Variants in ATAD2B observed in about 807,000 individuals in gnomAD.
The protein encoded by ATAD2B is ATPase family AAA domain containing 2B.
Under a neutral mutation model 167.6 loss-of-function variants are expected in ATAD2B, and 40 were observed. That is an observed-to-expected ratio of 0.24 (90% CI 0.19 to 0.31). The LOEUF is 0.31. ATAD2B is among the 10% of genes least tolerant of loss of function. The pLI is 1.00. For synonymous variants in ATAD2B, 579 were observed against 596.5 expected (o/e 0.97, Z 0.43); for missense variants, 1,242 against 1,757.2 (o/e 0.71, Z 5.24).
intron 18 of ATAD2B, among the ~76,000 whole-genome samples, chr2:23,806,606 TGAG>T (rs1558565294): frequency 6.6e-6 from 1 of 152,220 alleles, no homozygotes; most frequent in Admixed American, 6.5e-5. Context: ...CCCTAAGTTT[TGAG>T]GAGATTATAA....
intron 10 of ATAD2B, among the ~76,000 whole-genome samples, chr2:23,866,827 G>C (rs1195435119): frequency 6.6e-6 from 1 of 152,090 alleles, no homozygotes; most frequent in African/African-American, 2.4e-5. Context: ...GTTGTATAGA[G>C]AGATTTTTGG....
intron 19 of ATAD2B, among the ~76,000 whole-genome samples, chr2:23,794,289 C>T (rs1020570549): frequency 8.5e-5 from 13 of 152,240 alleles, no homozygotes; most frequent in African/African-American, 2.9e-4. Context: ...GGATTACAGG[C>T]ATGGGCCACC....
At chr2:23,819,932 T>G in intron 16 of ATAD2B, 50 bp from the exon 17 acceptor site, 1 of 1,360,222 alleles carries the variant, frequency 7.4e-7, no homozygotes, top group Non-Finnish European at 1.0e-6. Flanking sequence ...TCATTTAATA[T>G]TCGTGCCCTA....
chr2:23,754,577 C>T, intron 26 of ATAD2B, 70 bp downstream of exon 26: 1 of 1,545,740 alleles, frequency 6.5e-7, no homozygotes, highest in Non-Finnish European at 8.8e-7. Flanking sequence ...TACTTTTACT[C>T]AACTGCCTAC....
At chr2:23,784,942 T>C (rs971425965) in intron 21 of ATAD2B, among the ~76,000 whole-genome samples, 4 of 152,232 alleles carry the variant, frequency 2.6e-5, no homozygotes, top group Middle Eastern at 6.8e-3. Context: ...CCAACAAGTC[T>C]GTTTCCTCAA....
At chr2:23,902,980 T>C (rs1022638896) in intron 1 of ATAD2B, among the ~76,000 whole-genome samples, 34 of 152,164 alleles carry the variant, frequency 2.2e-4, no homozygotes, top group Admixed American at 5.9e-4. Flanking sequence ...CTCATGCCTG[T>C]AATCTCAACA....
chr2:23,903,951 G>A (rs1573364339), intron 1 of ATAD2B, among the ~76,000 whole-genome samples: 1 of 152,178 alleles, frequency 6.6e-6, no homozygotes, highest in Admixed American at 6.6e-5. Flanking sequence ...GGTGGTGGTG[G>A]TGGTGGTGGT....
At chr2:23,740,216 C>T in the ATAD2B span, among the ~76,000 whole-genome samples, 1 of 152,206 alleles carries the variant, frequency 6.6e-6, no homozygotes, top group Middle Eastern at 3.2e-3. Flanking sequence ...CCAGCATCAT[C>T]CTGATACCAA....
At chr2:23,708,287 C>T in the ATAD2B span, 8 of 152,304 alleles carry the variant, frequency 5.3e-5, no homozygotes, top group Admixed American at 3.9e-4. Context: ...AAACTACATA[C>T]ATTGTATGTC....
chr2:23,809,499 G>A (rs1368552885), intron 18 of ATAD2B, among the ~76,000 whole-genome samples: 2 of 152,042 alleles, frequency 1.3e-5, no homozygotes, highest in East Asian at 3.8e-4. Flanking sequence ...AAATGTAACT[G>A]GGAAAAAAAC....
rs1676123369 is a variant in ATAD2B, at chr2:23,757,776, A to G, written c.3720T>C (p.Asn1240=). The change falls in exon 25 of 28, where the codon AAT becomes AAC. Residue 1240 remains asparagine, a synonymous_variant. Transcript: ENST00000238789. ...TGCTGCTGTTGACCAGTAGAGATTC[A>G]TTTGAACTTTCCTCCTCAGTAGATG... ...NFASTEEESS[N]ESLLVNSSSS... The G allele has an allele frequency of 1.3e-6, 2 of 1,583,498 alleles. No individual in the cohort carries two copies. The highest frequency in any genetic ancestry group is 1.4e-5 in the African/African-American group (1 of 73,236).
downstream of ATAD2B, among the ~76,000 whole-genome samples, chr2:23,743,808 G>A (rs1291995827): frequency 6.6e-6 from 1 of 151,856 alleles, no homozygotes; most frequent in Non-Finnish European, 1.5e-5. Flanking sequence ...TAATTTTTCT[G>A]TAGAGACAGG....
intron 17 of ATAD2B, among the ~76,000 whole-genome samples, chr2:23,816,105 T>C (rs2149584830): frequency 6.6e-6 from 1 of 152,314 alleles, no homozygotes; most frequent in African/African-American, 2.4e-5. Flanking sequence ...CAAAAAGATA[T>C]TATATTCATC....
At chr2:23,683,537 T>C in the ATAD2B span, among the ~76,000 whole-genome samples, 1 of 152,228 alleles carries the variant, frequency 6.6e-6, no homozygotes, top group African/African-American at 2.4e-5. Context: ...GGGGTGGGTC[T>C]GGGAGAAGCT....
At chr2:23,830,829 T>G (rs1417209913) in intron 14 of ATAD2B, among the ~76,000 whole-genome samples, 2 of 151,910 alleles carry the variant, frequency 1.3e-5, no homozygotes, top group African/African-American at 2.4e-5. Flanking sequence ...CTAAGGGTGA[T>G]TACAAGACCC....
At chr2:23,721,370 C>G in the ATAD2B span, among the ~76,000 whole-genome samples, 5 of 151,996 alleles carry the variant, frequency 3.3e-5, no homozygotes, top group Non-Finnish European at 5.9e-5. Flanking sequence ...TGTGCCCATA[C>G]CCGGGACTGA....
chr2:23,854,942 C>T (rs1428217782), intron 13 of ATAD2B, among the ~76,000 whole-genome samples: 1 of 152,108 alleles, frequency 6.6e-6, no homozygotes, highest in Admixed American at 6.5e-5. Flanking sequence ...TGCCTGTAAT[C>T]CCAGCACTTT....
chr2:23,798,369 T>TC, intron 18 of ATAD2B, 46 bp from the exon 19 acceptor site: 3 of 1,421,798 alleles, frequency 2.1e-6, no homozygotes, highest in Non-Finnish European at 2.9e-6. Context: ...AATTGATTAT[T>TC]CTAAAGTCTA....
At chr2:23,740,607 C>G in the ATAD2B span, among the ~76,000 whole-genome samples, 1 of 152,054 alleles carries the variant, frequency 6.6e-6, no homozygotes, top group Non-Finnish European at 1.5e-5. Context: ...ACTGAATGGG[C>G]AAAAACTGGA....
Sources: gnomAD v4.1 joint callset for allele counts (sites outside exome capture counted in the v4.1 genomes callset) on GRCh38, gnomAD v4.1.1 for gene constraint, MANE v1.5 for transcripts, NCBI Gene and HGNC (gene_info 2026-07-23, HGNC 2026-07-21) for gene names.